The following USP10 variants were observed in gnomAD, a reference collection of about 807,000 sequenced individuals.
USP10 encodes ubiquitin carboxyl-terminal hydrolase 10.
USP10 carries 22 observed loss-of-function variants against 84.5 expected under a neutral mutation model. The ratio of observed to expected loss-of-function variants is 0.26; its 90% CI spans 0.19 to 0.37. The LOEUF is 0.37. USP10 is among the 10% of genes least tolerant of loss of function. USP10 has a pLI of 1.00. For synonymous variants in USP10, 454 were observed against 387.6 expected (o/e 1.17, Z -2.01); for missense variants, 1,019 against 998.9 (o/e 1.02, Z -0.27).
At chr16:84,714,016 T>C (rs975340833) in intron 1 of USP10, among the ~76,000 whole-genome samples, 2 of 152,204 alleles carry the variant, frequency 1.3e-5, no homozygotes, top group African/African-American at 4.8e-5. Flanking sequence ...CCTGAAAAGT[T>C]CTGGGAGACT....
At position 84,717,511 on chromosome 16, in the gene USP10, G is replaced by C. The variant is rs138216257; in HGVS notation, c.22-15924G>C. Among the ~76,000 whole-genome samples, 692 of 152,168 alleles carry C rather than the reference G, an allele frequency of 4.5e-3. 2 individuals are homozygous for C. The highest frequency in any genetic ancestry group is 0.013 in the Admixed American group (198 of 15,278). ...TTTTTAATGTCCTTTTTATGTCATTGGTGCTCAATAAGTGTCGATTTAGCT... is the reference window on the plus strand; with the variant it reads ...TTTTTAATGTCCTTTTTATGTCATTCGTGCTCAATAAGTGTCGATTTAGCT... On this transcript the variant is annotated intron_variant, in intron 1 of 13. Transcript: ENST00000219473.
At chr16:84,711,770 C>T (rs1044967725) in intron 1 of USP10, among the ~76,000 whole-genome samples, 4 of 145,806 alleles carry the variant, frequency 2.7e-5, no homozygotes, top group African/African-American at 5.1e-5. Flanking sequence ...TTCTGTCACC[C>T]AGGCAGTGGC....
chr16:84,733,810 A>G (rs1909547677), intron 2 of USP10, among the ~76,000 whole-genome samples: 1 of 152,228 alleles, frequency 6.6e-6, no homozygotes, highest in Non-Finnish European at 1.5e-5. Flanking sequence ...ATTGGTCCTG[A>G]CTGGTTTTCA....
intron 1 of USP10, among the ~76,000 whole-genome samples, chr16:84,722,340 G>C (rs1285077155): frequency 6.6e-6 from 1 of 152,152 alleles, no homozygotes; most frequent in Non-Finnish European, 1.5e-5. Context: ...CTTTCCTCTT[G>C]ATAGACATTT....
At chr16:84,727,408 G>A (rs369709272) in intron 1 of USP10, among the ~76,000 whole-genome samples, 140 of 152,228 alleles carry the variant, frequency 9.2e-4, no homozygotes, top group African/African-American at 3.2e-3. Flanking sequence ...AACATAAGGA[G>A]AGGGTAAAGG....
At chr16:84,760,364 T>C (rs181244305) in intron 8 of USP10, 89 bp downstream of exon 8, 1,124 of 1,179,460 alleles carry the variant, frequency 9.5e-4, no homozygotes, top group Non-Finnish European at 1.3e-3. Context: ...ATATTTGCCC[T>C]CTGTCTCCAG....
rs781027169 is a variant in USP10 at position 84,772,600 on chromosome 16, G to A, written c.2058G>A (p.Leu686=). The change falls in exon 12 of 14, where the codon CTG becomes CTA. Residue 686 remains leucine, a synonymous_variant. Coordinates refer to ENST00000219473, the MANE Select transcript of USP10 (RefSeq NM_005153.3). ...EKLPPVLVLH[L]KRFVYEKTGG... is the part of the protein sequence containing the mutation. ...TCCCTCCTGTCCTCGTGCTGCACCT[G>A]AAACGATTCGTTTATGAGAAGACTG... 6.2e-7 allele frequency: 1 copy of A among 1,614,008 alleles called. No individual in the cohort carries two copies. The highest frequency in any genetic ancestry group is 1.1e-5 in the South Asian group (1 of 91,084).
chr16:84,764,884 C>A, intron 10 of USP10, among the ~76,000 whole-genome samples: 2 of 135,788 alleles, frequency 1.5e-5, no homozygotes, highest in South Asian at 2.4e-4. Flanking sequence ...TAGGGGTAGG[C>A]AAAGGTTTCA....
At chr16:84,720,628 C>CTGGA (rs1907668080) in intron 1 of USP10, among the ~76,000 whole-genome samples, 1 of 121,996 alleles carries the variant, frequency 8.2e-6, no homozygotes, top group African/African-American at 3.2e-5. Flanking sequence ...GTTGCCCAGG[C>CTGGA]TGGAGTGCAG....
chr16:84,714,592 A>G (rs1277300643), intron 1 of USP10, among the ~76,000 whole-genome samples: 1 of 152,024 alleles, frequency 6.6e-6, no homozygotes, highest in Non-Finnish European at 1.5e-5. Context: ...TTGTTTTTTA[A>G]GGACTGCAGC....
chr16:84,760,324 C>G, intron 8 of USP10, 49 bp downstream of exon 8: 1 of 1,501,134 alleles, frequency 6.7e-7, no homozygotes, highest in East Asian at 2.4e-5. Flanking sequence ...CCTTTTGTTC[C>G]AGTGTTTGTG....
intron 1 of USP10, among the ~76,000 whole-genome samples, chr16:84,717,457 G>A (rs1471442763): frequency 2.0e-5 from 3 of 152,166 alleles, no homozygotes; most frequent in Non-Finnish European, 4.4e-5. Flanking sequence ...TTTGAAGGCA[G>A]GACACATTGC....
intron 1 of USP10, among the ~76,000 whole-genome samples, chr16:84,725,546 G>T (rs748433546): frequency 6.6e-6 from 1 of 151,888 alleles, no homozygotes; most frequent in South Asian, 2.1e-4. Context: ...GATTAGAGGC[G>T]CCTGCCACCA....
chr16:84,739,220 G>A (rs577018223), intron 2 of USP10, among the ~76,000 whole-genome samples: 3 of 147,906 alleles, frequency 2.0e-5, no homozygotes, highest in East Asian at 2.0e-4. Context: ...CACCATGCCC[G>A]GCTAATTTTT....
Position 84,764,209 on chromosome 16 carries a change from G to C in USP10, c.1778G>C (p.Arg593Pro), listed in dbSNP as rs373590750. The change falls in exon 10 of 14, where the codon CGC (arginine) becomes CCC (proline). Residue 593 changes from arginine to proline, a missense_variant. By Grantham distance (103) the Arg-to-Pro change is moderately radical (BLOSUM62 -2). Around this residue, in one of 2 missense-constraint regions of USP10, gnomAD observed 232 missense variants for 290.1 expected, o/e 0.80. Transcript: ENST00000219473. ...CCCCGGAACAAGACTTCCGTCACCC[G>C]CCAGGCGGATTTTGTTCAGACTCCA... Reference protein sequence around the residue: ...VGPRNKTSVTRQADFVQTPIT... With the variant: ...VGPRNKTSVTPQADFVQTPIT... 56 of 1,613,858 alleles carry C rather than the reference G, an allele frequency of 3.5e-5. No individual in the cohort carries two copies. Among genetic ancestry groups the C allele is most frequent in the Non-Finnish European group, 4.4e-5 (52 of 1,179,876 alleles).
At chr16:84,755,651 G>A (rs1469155927) in intron 4 of USP10, among the ~76,000 whole-genome samples, 6 of 151,840 alleles carry the variant, frequency 4.0e-5, no homozygotes, top group African/African-American at 1.5e-4. Flanking sequence ...TAATAATTAT[G>A]ATTGGGTATG....
intron 13 of USP10, among the ~76,000 whole-genome samples, chr16:84,778,032 T>C (rs1915193907): frequency 6.6e-6 from 1 of 151,986 alleles, no homozygotes; most frequent in African/African-American, 2.4e-5. Flanking sequence ...TACAGATTTT[T>C]TGTTTTAGGC....
intron 1 of USP10, among the ~76,000 whole-genome samples, chr16:84,703,579 T>C (rs1470760370): frequency 1.3e-5 from 2 of 152,238 alleles, no homozygotes; most frequent in Non-Finnish European, 2.9e-5. Context: ...TTTATTAGAA[T>C]CTCAAGTAAT....
chr16:84,745,762 G>A, intron 4 of USP10, 89 bp downstream of exon 4: 1 of 1,353,670 alleles, frequency 7.4e-7, no homozygotes. Context: ...CCATAACAAT[G>A]GCAGATTACC....
Sources: gnomAD v4.1 joint callset for allele counts (sites outside exome capture counted in the v4.1 genomes callset) on GRCh38, gnomAD v4.1.1 for gene constraint, gnomAD v4.1.1 regional missense constraint, MANE v1.5 for transcripts, NCBI Gene and HGNC (gene_info 2026-07-23, HGNC 2026-07-21) for gene names.